The following JMJD1C variants were observed in gnomAD, a reference collection of about 807,000 sequenced individuals.
The protein encoded by JMJD1C is jumonji domain-containing protein 1C.
A neutral mutation model predicts 245.3 loss-of-function variants in JMJD1C; 31 were observed. The observed-to-expected ratio is 0.13, with a 90% confidence interval of 0.09 to 0.17. The LOEUF (loss-of-function observed/expected upper bound fraction) is 0.17, where lower values mean the gene tolerates loss of function less well. Ranked by LOEUF, JMJD1C falls within the 10% of genes least tolerant of loss-of-function variation. The pLI is 1.00. For missense variants in JMJD1C, 2,691 were observed against 3,000.2 expected (o/e 0.90, Z 2.41); for synonymous variants, 1,057 against 1,017.4 (o/e 1.04, Z -0.74).
chr10:63,351,527 T>G (rs1274982358), intron 2 of JMJD1C, among the ~76,000 whole-genome samples: 1 of 152,240 alleles, frequency 6.6e-6, no homozygotes, highest in East Asian at 1.9e-4. Flanking sequence ...CTGGGTCGTA[T>G]GAAAAAAGCT....
chr10:63,359,419 AT>A (rs1371793574), intron 2 of JMJD1C, among the ~76,000 whole-genome samples: 1 of 152,218 alleles, frequency 6.6e-6, no homozygotes, highest in Non-Finnish European at 1.5e-5. Flanking sequence ...TCAAAAGTTA[AT>A]TTTTGAAAAT....
chr10:63,312,034 A>G (rs771952524), intron 2 of JMJD1C, among the ~76,000 whole-genome samples: 5 of 152,126 alleles, frequency 3.3e-5, no homozygotes, highest in Non-Finnish European at 5.9e-5. Flanking sequence ...AAAAGTAAAC[A>G]AAATTCTTCA....
At chr10:63,468,364 T>A (rs374998554), upstream of JMJD1C, among the ~76,000 whole-genome samples, 4,169 of 152,304 alleles carry the variant, frequency 0.027, 76 homozygotes, top group Non-Finnish European at 0.045. Flanking sequence ...TTTGTTTGTT[T>A]GCTGGCATTT....
chr10:63,210,828 G>A (rs1847227774), intron 8 of JMJD1C, among the ~76,000 whole-genome samples: 1 of 152,188 alleles, frequency 6.6e-6, no homozygotes, highest in South Asian at 2.1e-4. Flanking sequence ...AGTGATTAGT[G>A]ATTCTTCACT....
At chr10:63,215,933 T>A (rs1847927957) in intron 5 of JMJD1C, among the ~76,000 whole-genome samples, 1 of 152,222 alleles carries the variant, frequency 6.6e-6, no homozygotes, top group African/African-American at 2.4e-5. Flanking sequence ...TTACTGCAAG[T>A]ACATCTTGAA....
intron 18 of JMJD1C, among the ~76,000 whole-genome samples, chr10:63,187,757 T>C (rs1403667258): frequency 6.6e-6 from 1 of 152,226 alleles, no homozygotes; most frequent in Non-Finnish European, 1.5e-5. Flanking sequence ...GCTTTCTGAT[T>C]AGACTCCTTG....
chr10:63,255,455 G>A (rs779069533), intron 3 of JMJD1C, among the ~76,000 whole-genome samples: 3 of 152,062 alleles, frequency 2.0e-5, no homozygotes, highest in African/African-American at 4.8e-5. Flanking sequence ...GAATAAACCC[G>A]TCAAAAAAAG....
intron 16 of JMJD1C, among the ~76,000 whole-genome samples, chr10:63,191,692 T>C (rs995971445): frequency 1.3e-5 from 2 of 151,814 alleles, no homozygotes; most frequent in Non-Finnish European, 2.9e-5. Flanking sequence ...AGGTAGAAAA[T>C]ACAGGTAAGT....
At chr10:63,321,140 T>C (rs1940806301) in intron 2 of JMJD1C, among the ~76,000 whole-genome samples, 1 of 152,258 alleles carries the variant, frequency 6.6e-6, no homozygotes, top group Non-Finnish European at 1.5e-5. Context: ...GTTCCTGTTC[T>C]CTGGACCCTT....
rs564569888 is a variant in JMJD1C at position 63,518,081 on chromosome 10, C to A, written n.113+3657G>T. ...GTGCTGGGATTACAGGCATGAGCCA[C>A]CGCACCCAGCATAATGGCCACTTAT... On this transcript the variant is annotated intron_variant and non_coding_transcript_variant, in intron 1 of 3. Coordinates refer to the JMJD1C transcript ENST00000633035. Among the ~76,000 whole-genome samples the A allele has an allele frequency of 3.9e-5, 6 of 152,298 alleles. No individual in the cohort carries two copies. In the South Asian group the frequency reaches 1.2e-3, roughly 32 times the overall value.
chr10:63,337,145 C>G (rs969937801), intron 2 of JMJD1C, among the ~76,000 whole-genome samples: 5 of 151,896 alleles, frequency 3.3e-5, no homozygotes, highest in African/African-American at 1.2e-4. Context: ...CTGGCCAACT[C>G]TAGCCCTCTT....
chr10:63,245,156 A>AAG (rs1191558747), intron 3 of JMJD1C, among the ~76,000 whole-genome samples: 2 of 136,560 alleles, frequency 1.5e-5, no homozygotes, highest in African/African-American at 2.7e-5. Flanking sequence ...AAAAAAAAAA[A>AAG]AGAGAGATTA....
At chr10:63,433,246 G>A (rs1261900738) in intron 1 of JMJD1C, among the ~76,000 whole-genome samples, 9 of 151,802 alleles carry the variant, frequency 5.9e-5, no homozygotes, top group African/African-American at 2.2e-4. Context: ...ACAGGAAAGC[G>A]CTACCATGCC....
chr10:63,369,465 T>C (rs1946121347), intron 2 of JMJD1C, among the ~76,000 whole-genome samples: 3 of 152,136 alleles, frequency 2.0e-5, no homozygotes, highest in South Asian at 2.1e-4. Context: ...TCTATGCCAA[T>C]AGTCCTGCAT....
intron 3 of JMJD1C, among the ~76,000 whole-genome samples, chr10:63,259,480 G>A (rs551800404): frequency 3.3e-5 from 5 of 152,192 alleles, no homozygotes; most frequent in African/African-American, 1.2e-4. Context: ...CTAGGCAACT[G>A]TTTGAGCTAT....
chr10:63,414,517 G>C (rs1301808678), intron 1 of JMJD1C, among the ~76,000 whole-genome samples: 1 of 151,982 alleles, frequency 6.6e-6, no homozygotes, highest in Non-Finnish European at 1.5e-5. Flanking sequence ...GTGCTCAAAA[G>C]GTAACTGTGA....
chr10:63,294,110 T>C (rs1161945955), intron 2 of JMJD1C, among the ~76,000 whole-genome samples: 1 of 152,168 alleles, frequency 6.6e-6, no homozygotes, highest in Non-Finnish European at 1.5e-5. Flanking sequence ...CATCTTCACC[T>C]TGCAGATGAA....
intron 1 of JMJD1C, among the ~76,000 whole-genome samples, chr10:63,389,705 C>T (rs1395624955): frequency 6.6e-6 from 1 of 151,986 alleles, no homozygotes; most frequent in Non-Finnish European, 1.5e-5. Flanking sequence ...ACCCTCAGAC[C>T]ACAATGAAAT....
intron 2 of JMJD1C, among the ~76,000 whole-genome samples, chr10:63,378,464 C>T (rs995070810): frequency 3.3e-5 from 5 of 152,014 alleles, no homozygotes; most frequent in Admixed American, 6.6e-5. Flanking sequence ...TGGTGGCAGG[C>T]GCCTGTAGTC....
Sources: gnomAD v4.1 joint callset for allele counts (sites outside exome capture counted in the v4.1 genomes callset) on GRCh38, gnomAD v4.1.1 for gene constraint, MANE v1.5 for transcripts, NCBI Gene and HGNC (gene_info 2026-07-23, HGNC 2026-07-21) for gene names.